The following NMU variants were observed in gnomAD, a reference collection of about 807,000 sequenced individuals.
The protein encoded by NMU is neuromedin-U.
Under a neutral mutation model 35.4 loss-of-function variants are expected in NMU, and 29 were observed. The ratio of observed to expected loss-of-function variants is 0.82; its 90% CI spans 0.61 to 1.12. NMU has a LOEUF of 1.12. NMU is among the 50% of genes most tolerant of loss of function. The pLI is 0.00. For synonymous variants in NMU, 78 were observed against 81.3 expected (o/e 0.96, Z 0.22); for missense variants, 199 against 206.2 (o/e 0.97, Z 0.21).
rs1416659319 is a variant in NMU at position 55,619,124 on chromosome 4, G to A, written c.172-2739C>T. Among the ~76,000 whole-genome samples, 6 of 152,070 alleles carry A rather than the reference G, an allele frequency of 3.9e-5. No individual in the cohort carries two copies. In the East Asian group the frequency reaches 7.8e-4, roughly 20 times the overall value. Reference sequence around the variant, plus strand: ...GCTCAAGTGATCCTCCTGCTGCCTCGGCCTGTCAAAGAACTGATATTAGGG... The same window carrying A: ...GCTCAAGTGATCCTCCTGCTGCCTCAGCCTGTCAAAGAACTGATATTAGGG... On this transcript the variant is annotated intron_variant, in intron 2 of 9. Coordinates refer to ENST00000264218, the MANE Select transcript of NMU (RefSeq NM_006681.4).
intron 2 of NMU, among the ~76,000 whole-genome samples, chr4:55,630,088 T>C (rs1003650012): frequency 6.6e-5 from 10 of 152,038 alleles, no homozygotes; most frequent in Admixed American, 2.0e-4. Context: ...TGATAGACAA[T>C]ATATTTCTGG....
intron 4 of NMU, among the ~76,000 whole-genome samples, chr4:55,608,261 C>T (rs1733784991): frequency 6.6e-6 from 1 of 151,426 alleles, no homozygotes; most frequent in Admixed American, 6.6e-5. Context: ...AATGGAAGAC[C>T]ATGAATAAAC....
intron 4 of NMU, among the ~76,000 whole-genome samples, chr4:55,608,565 A>G (rs963924031): frequency 1.8e-4 from 28 of 152,236 alleles, no homozygotes; most frequent in African/African-American, 6.8e-4. Flanking sequence ...AAGTTCATCC[A>G]TAAGATAGAG....
upstream of NMU, chr4:55,636,391 C>A: frequency 2.6e-6 from 2 of 769,778 alleles, no homozygotes; most frequent in South Asian, 6.2e-5. This position sits in a 1 kb window ranked among gnomAD's most constrained non-coding sequence, Gnocchi z 4.0. Flanking sequence ...GCCTGCCGCC[C>A]CCGGCCTACC....
chr4:55,619,824 T>G lies in NMU; in HGVS notation c.172-3439A>C, dbSNP rs1177749100. ...AGCACGCAGCTGGAGATCTGAGAAC[T>G]GGCAGACTGCCTCCTCAAGTGGGTC... On this transcript the variant is annotated intron_variant, in intron 2 of 9. Transcript: ENST00000264218. 6.0e-3 allele frequency among the ~76,000 whole-genome samples: 865 copies of G among 143,540 alleles called. 6 individuals are homozygous for G. The highest frequency in any genetic ancestry group is 8.5e-3 in the Non-Finnish European group (552 of 65,046). The allele number at this position is 143,540 out of a possible 152,430, so 94.2% of individuals were successfully genotyped here.
rs1733644496 is a variant in NMU, at chr4:55,605,487, A to G, written c.361-138T>C. 4 of 731,962 alleles carry G rather than the reference A, an allele frequency of 5.5e-6. No individual in the cohort carries two copies. The East Asian group carries it at 1.1e-4, about 19-fold the overall frequency. 45.3% of individuals were successfully genotyped at this position (731,962 alleles called of 1,614,324 possible). On this transcript the variant is annotated intron_variant, in intron 6 of 9. Transcript: ENST00000264218. ...CAGAAAATTAAAGATGTCACCTAAA[A>G]CAGGTCTTTGGGAGCAATTCGAAGA...
chr4:55,609,463 T>C (rs1480644333), intron 3 of NMU, among the ~76,000 whole-genome samples: 1 of 152,070 alleles, frequency 6.6e-6, no homozygotes, highest in Non-Finnish European at 1.5e-5. Context: ...TTCTCAGCAC[T>C]TGCTAAAATA....
intron 2 of NMU, among the ~76,000 whole-genome samples, chr4:55,624,294 C>A (rs1476085744): frequency 1.2e-5 from 1 of 83,240 alleles, no homozygotes; most frequent in African/African-American, 3.8e-5. Flanking sequence ...TATCCAGAAT[C>A]TACAATGAAC....
chr4:55,613,742 C>A (rs555829821), intron 3 of NMU, among the ~76,000 whole-genome samples: 2 of 152,118 alleles, frequency 1.3e-5, no homozygotes, highest in African/African-American at 4.8e-5. Flanking sequence ...GTTTGAAACC[C>A]AATTAGGTGA....
At chr4:55,614,989 A>T (rs78771920) in intron 3 of NMU, among the ~76,000 whole-genome samples, 1,688 of 152,300 alleles carry the variant, frequency 0.011, 20 homozygotes, top group Middle Eastern at 0.041. Flanking sequence ...GGAGAAATAC[A>T]ACACTATACA....
chr4:55,610,180 A>T (rs1016194864), intron 3 of NMU, among the ~76,000 whole-genome samples: 4 of 152,148 alleles, frequency 2.6e-5, no homozygotes, highest in Non-Finnish European at 5.9e-5. Flanking sequence ...AATGAAAAAG[A>T]GGTCGGGTGC....
chr4:55,599,274 C>T (rs561288200), intron 8 of NMU, 93 bp from the exon 9 acceptor site: 10 of 997,066 alleles, frequency 1.0e-5, no homozygotes, highest in African/African-American at 8.0e-5. Flanking sequence ...GAGTGTTTAA[C>T]GTGCATCACA....
At chr4:55,628,275 G>A (rs1328892401) in intron 2 of NMU, among the ~76,000 whole-genome samples, 2 of 152,040 alleles carry the variant, frequency 1.3e-5, no homozygotes, top group Non-Finnish European at 2.9e-5. Context: ...CATCCATCAC[G>A]CAGTCAATTA....
rs754772422 is a variant in NMU at position 55,604,005 on chromosome 4, A to ATACATG, written c.435+1269_435+1270insCATGTA. 1.9e-3 allele frequency among the ~76,000 whole-genome samples: 86 copies of ATACATG among 46,318 alleles called. 18 individuals are homozygous for ATACATG. Among genetic ancestry groups the ATACATG allele is most frequent in the African/African-American group, 3.2e-3 (49 of 15,116 alleles). 30.4% of individuals were successfully genotyped at this position (46,318 alleles called of 152,430 possible). A position where few individuals can be genotyped will look rare whatever the true frequency, so the allele number is the denominator to read the frequency against. On this transcript the variant is annotated intron_variant, in intron 7 of 9. Transcript: ENST00000264218. ...TATATGTGTATATATATACGTATAT[A>ATACATG]TGTATATATGTGTATATATATAATC...
rs1733825748 is a variant in NMU, at chr4:55,609,141, C to T, written c.258G>A (p.Met86Ile). Reference sequence around the variant, plus strand: ...TTACCTGAGGCTTTGGTAGCATTCCCATAATCATAAAGCAAAGCTCCTCCA... The same window carrying T: ...TTACCTGAGGCTTTGGTAGCATTCCTATAATCATAAAGCAAAGCTCCTCCA... The part of the protein sequence containing the change: ...NALEELCFMI[M>I]GMLPKPQEQD... The change falls in exon 4 of 10, where the codon ATG becomes ATA. Residue 86 changes from methionine (M) to isoleucine (I), a missense_variant. Transcript: ENST00000264218. The T allele has an allele frequency of 6.2e-7, 1 of 1,613,346 alleles. No individual in the cohort carries two copies. The highest frequency in any genetic ancestry group is 1.7e-5 in the Admixed American group (1 of 59,998).
At chr4:55,633,639 A>G (rs1715733549) in intron 1 of NMU, among the ~76,000 whole-genome samples, 1 of 152,250 alleles carries the variant, frequency 6.6e-6, no homozygotes, top group Non-Finnish European at 1.5e-5. Flanking sequence ...GCTGGAAATA[A>G]TAACTTGTAT....
chr4:55,612,230 C>T (rs1277336455), intron 3 of NMU, among the ~76,000 whole-genome samples: 1 of 152,178 alleles, frequency 6.6e-6, no homozygotes, highest in African/African-American at 2.4e-5. Flanking sequence ...CCCATCTTTA[C>T]ACAAAATTGT....
chr4:55,605,588 G>T (rs1451035661), intron 6 of NMU, among the ~76,000 whole-genome samples: 1 of 152,178 alleles, frequency 6.6e-6, no homozygotes, highest in Non-Finnish European at 1.5e-5. Flanking sequence ...ATATTGAGAA[G>T]AAGCACTTTC....
chr4:55,627,966 C>T (rs528006138), intron 2 of NMU, among the ~76,000 whole-genome samples: 4 of 152,286 alleles, frequency 2.6e-5, no homozygotes, highest in African/African-American at 9.6e-5. Context: ...CAAGTTTATA[C>T]TTTATGGAAA....
Sources: allele counts gnomAD v4.1 joint callset (sites outside exome capture counted in the v4.1 genomes callset), GRCh38; gene constraint gnomAD v4.1.1; non-coding constraint Gnocchi (gnomAD v3.1); transcripts MANE v1.5; gene names NCBI Gene and HGNC (gene_info 2026-07-23, HGNC 2026-07-21).